ADAM12: variants seen among roughly 807,000 people sequenced by gnomAD.
ADAM12 encodes ADAM metallopeptidase domain 12.
A neutral mutation model predicts 106.4 loss-of-function variants in ADAM12; 70 were observed. That is an observed-to-expected ratio of 0.66 (90% CI 0.54 to 0.80). ADAM12 has a LOEUF of 0.80. Ranked by LOEUF, ADAM12 falls within the 30% of genes least tolerant of loss-of-function variation. The pLI is 0.00. For missense variants in ADAM12, 1,010 were observed against 1,171.9 expected, an observed-to-expected ratio of 0.86 and a Z score of 2.02; for synonymous variants, 420 against 433.5, an observed-to-expected ratio of 0.97 and a Z score of 0.39.
intron 1 of ADAM12, among the ~76,000 whole-genome samples, chr10:126,339,069 C>T (rs1266684451): frequency 1.3e-5 from 2 of 152,172 alleles, no homozygotes. Flanking sequence ...TGGATTTCTT[C>T]CCCTCCTCTG....
rs547684272 is a variant in ADAM12 at position 126,047,349 on chromosome 10, G to A, written c.1918-1217C>T. ...AGCAGCACTGAGGGATTCCCACTCG[G>A]TGGGTGCGAATCCTGGCCAAGGGGA... On this transcript the variant is annotated intron_variant, in intron 16 of 22. Transcript: ENST00000448723. Among the ~76,000 whole-genome samples, 9 of 152,296 alleles carry A rather than the reference G, an allele frequency of 5.9e-5. No individual in the cohort carries two copies. In the East Asian group the frequency reaches 1.2e-3, roughly 20 times the overall value.
intron 1 of ADAM12, among the ~76,000 whole-genome samples, chr10:126,371,379 T>C: frequency 6.6e-6 from 1 of 152,218 alleles, no homozygotes; most frequent in Non-Finnish European, 1.5e-5. Context: ...CTGAACTGAG[T>C]AAACATTTTA....
At chr10:126,041,253 C>G in intron 18 of ADAM12, 1 of 877,864 alleles carries the variant, frequency 1.1e-6, no homozygotes, top group Non-Finnish European at 1.4e-6. Context: ...TAATGAGCCC[C>G]TGAGCCATGG....
At chr10:126,263,292 C>T (rs3952692) in intron 3 of ADAM12, among the ~76,000 whole-genome samples, 70,097 of 151,862 alleles carry the variant, frequency 0.46, 16,545 homozygotes, top group South Asian at 0.63. Context: ...CCCCAGAAAA[C>T]CATCTGATCC....
intron 1 of ADAM12, among the ~76,000 whole-genome samples, chr10:126,362,337 G>A (rs1855769924): frequency 6.6e-6 from 1 of 152,112 alleles, no homozygotes; most frequent in African/African-American, 2.4e-5. Flanking sequence ...CACTATTGGT[G>A]GAAATGTAAA....
Position 126,388,288 on chromosome 10 carries a change from C to G in ADAM12, c.-143G>C, listed in dbSNP as rs2133947239. ...TCAGCTCCGGAGCCCTCGCGCAGCG[C>G]CCGCGCCGCCGCTGAGCTCTTCTAG... On this transcript the variant is annotated 5_prime_UTR_variant, in exon 1 of 23. Transcript: ENST00000448723. This position sits in a 1 kb window ranked among gnomAD's most constrained non-coding sequence, Gnocchi z 4.4. 2 of 1,125,582 alleles carry G rather than the reference C, an allele frequency of 1.8e-6. No homozygotes were observed. The highest frequency in any genetic ancestry group is 3.3e-5 in the African/African-American group (2 of 61,280). The allele number at this position is 1,125,582 out of a possible 1,614,324, so 69.7% of individuals were successfully genotyped here. A position where few individuals can be genotyped will look rare whatever the true frequency, so the allele number is the denominator to read the frequency against.
chr10:126,088,440 C>A (rs977822735), intron 11 of ADAM12, among the ~76,000 whole-genome samples: 4 of 151,994 alleles, frequency 2.6e-5, no homozygotes, highest in African/African-American at 4.8e-5. Context: ...GTCACTTACA[C>A]CTGCATTCCT....
At chr10:126,261,899 T>A (rs11244917) in intron 3 of ADAM12, among the ~76,000 whole-genome samples, 29,464 of 151,002 alleles carry the variant, frequency 0.2, 3,094 homozygotes, top group African/African-American at 0.27. Context: ...GCCTCCCGGG[T>A]TCATGTCATT....
At chr10:126,118,440 T>A (rs1956027957) in intron 5 of ADAM12, among the ~76,000 whole-genome samples, 1 of 152,226 alleles carries the variant, frequency 6.6e-6, no homozygotes, top group Non-Finnish European at 1.5e-5. Context: ...TTTCTTCTGT[T>A]TGAAATATTT....
At chr10:126,299,072 G>T (rs1387847694) in intron 2 of ADAM12, among the ~76,000 whole-genome samples, 8 of 152,206 alleles carry the variant, frequency 5.3e-5, no homozygotes, top group Non-Finnish European at 1.0e-4. Context: ...AGGAAGGAAT[G>T]AAGCGGTAAG....
rs1278280 is a variant in ADAM12, at chr10:126,066,975, T to C, written c.1324-169A>G. 2 of 639,802 alleles carry C rather than the reference T, an allele frequency of 3.1e-6. No homozygotes were observed. Among genetic ancestry groups the C allele is most frequent in the Non-Finnish European group, 5.5e-6 (2 of 363,364 alleles). 39.6% of individuals were successfully genotyped at this position (639,802 alleles called of 1,614,324 possible). A position where few individuals can be genotyped will look rare whatever the true frequency, so the allele number is the denominator to read the frequency against. On this transcript the variant is annotated intron_variant, in intron 12 of 22. Transcript: ENST00000448723. This position sits in a 1 kb window ranked among gnomAD's most constrained non-coding sequence, Gnocchi z 5.1. ...CTGTTAGGAAAGCAAAGCTTCTGCT[T>C]TTTATGAACCAACTGGGTCTACGAG...
intron 3 of ADAM12, among the ~76,000 whole-genome samples, chr10:126,163,298 TGA>T: frequency 6.6e-6 from 1 of 152,226 alleles, no homozygotes. Context: ...TGGGAGCAGG[TGA>T]CTCCTACGGT....
At chr10:126,384,048 T>C (rs1856574116) in intron 1 of ADAM12, among the ~76,000 whole-genome samples, 2 of 152,218 alleles carry the variant, frequency 1.3e-5, no homozygotes, top group Admixed American at 1.3e-4. Flanking sequence ...TTCTGCTGTA[T>C]TACTGCCTGG....
chr10:126,228,416 A>C (rs1047616112), intron 3 of ADAM12, among the ~76,000 whole-genome samples: 5 of 152,236 alleles, frequency 3.3e-5, no homozygotes, highest in Admixed American at 6.5e-5. Flanking sequence ...CAGATTTTCA[A>C]AAAGTAACTT....
chr10:126,089,435 A>G (rs1955421132), intron 11 of ADAM12, among the ~76,000 whole-genome samples: 1 of 152,154 alleles, frequency 6.6e-6, no homozygotes, highest in Non-Finnish European at 1.5e-5. Flanking sequence ...ACTAGAATTC[A>G]CACACTATTA....
chr10:126,215,464 C>A (rs1957971285), intron 3 of ADAM12, among the ~76,000 whole-genome samples: 1 of 152,118 alleles, frequency 6.6e-6, no homozygotes, highest in Non-Finnish European at 1.5e-5. Context: ...GCTCAGGGCC[C>A]CCCCGAAATC....
intron 2 of ADAM12, among the ~76,000 whole-genome samples, chr10:126,325,732 G>C (rs967446287): frequency 6.6e-6 from 1 of 152,146 alleles, no homozygotes; most frequent in Non-Finnish European, 1.5e-5. Context: ...CGCTGGTTCC[G>C]CGGTTAATTT....
At chr10:126,121,413 T>C (rs1956109142) in intron 5 of ADAM12, among the ~76,000 whole-genome samples, 1 of 127,658 alleles carries the variant, frequency 7.8e-6, no homozygotes, top group African/African-American at 3.1e-5. Context: ...TTGCATATTA[T>C]ATAATATGCA....
chr10:126,112,502 G>A (rs564139900), intron 6 of ADAM12, among the ~76,000 whole-genome samples: 2 of 152,224 alleles, frequency 1.3e-5, no homozygotes, highest in South Asian at 2.1e-4. Context: ...TTCCCAGGTG[G>A]AGGCAGAGGC....
Sources: gnomAD v4.1 joint callset for allele counts (sites outside exome capture counted in the v4.1 genomes callset) on GRCh38, gnomAD v4.1.1 for gene constraint, Gnocchi (gnomAD v3.1) non-coding constraint, MANE v1.5 for transcripts, NCBI Gene and HGNC (gene_info 2026-07-23, HGNC 2026-07-21) for gene names.